The following PACRG variants were observed in gnomAD, a reference collection of about 807,000 sequenced individuals.
The protein encoded by PACRG is parkin coregulated, also known as parkin coregulated gene protein.
A neutral mutation model predicts 29.7 loss-of-function variants in PACRG; 29 were observed. That is an observed-to-expected ratio of 0.98 (90% confidence interval 0.73 to 1.33). The LOEUF is 1.33. Ranked by LOEUF, PACRG falls within the 40% of genes most tolerant of loss-of-function variation. The probability of loss-of-function intolerance (pLI) is 0.00; values close to 1 mark genes in which losing one functional copy is unlikely to be tolerated. For synonymous variants in PACRG, 116 were observed against 118.7 expected (o/e 0.98, Z 0.15); for missense variants, 279 against 316.2 (o/e 0.88, Z 0.89).
chr6:163,235,179 A>G (rs1489781994), intron 4 of PACRG, among the ~76,000 whole-genome samples: 1 of 152,286 alleles, frequency 6.6e-6, no homozygotes, highest in African/African-American at 2.4e-5. Context: ...AGTTGTGGGC[A>G]TGACTCGAGC....
intron 4 of PACRG, among the ~76,000 whole-genome samples, chr6:163,298,103 G>A (rs1784850502): frequency 6.6e-6 from 1 of 152,168 alleles, no homozygotes; most frequent in Non-Finnish European, 1.5e-5. Flanking sequence ...GTGAATGCTG[G>A]AGTGGCTTGT....
At chr6:162,737,746 G>A (rs763574046) in intron 1 of PACRG, among the ~76,000 whole-genome samples, 2 of 151,906 alleles carry the variant, frequency 1.3e-5, no homozygotes, top group South Asian at 2.1e-4. Context: ...ATGTAAAGTC[G>A]AACATCATTT....
intron 3 of PACRG, among the ~76,000 whole-genome samples, chr6:163,070,253 G>A (rs1193076875): frequency 6.6e-6 from 1 of 151,972 alleles, no homozygotes; most frequent in African/African-American, 2.4e-5. Context: ...TAAGTACACA[G>A]AAAAATAGAA....
chr6:163,211,100 C>G (rs1452964873), intron 4 of PACRG, among the ~76,000 whole-genome samples: 3 of 151,996 alleles, frequency 2.0e-5, no homozygotes, highest in Non-Finnish European at 4.4e-5. Flanking sequence ...CTCCCACCAC[C>G]TTTTTTTTAA....
chr6:162,837,279 C>T (rs1057226485), intron 2 of PACRG, among the ~76,000 whole-genome samples: 7 of 152,034 alleles, frequency 4.6e-5, no homozygotes, highest in East Asian at 1.9e-4. Context: ...TAAAGAACAC[C>T]GAGTATATAT....
chr6:162,920,304 CA>C (rs1266871475), intron 2 of PACRG, among the ~76,000 whole-genome samples: 3 of 152,044 alleles, frequency 2.0e-5, no homozygotes, highest in Admixed American at 6.6e-5. Context: ...TTTTGTCTGA[CA>C]AAAGAAACAA....
intron 2 of PACRG, among the ~76,000 whole-genome samples, chr6:162,866,500 T>C (rs1792307717): frequency 2.0e-5 from 3 of 152,216 alleles, no homozygotes; most frequent in Admixed American, 2.0e-4. Context: ...CTATGAGCCA[T>C]AGAGCTCGCT....
chr6:162,778,362 C>T (rs542535577), intron 1 of PACRG, among the ~76,000 whole-genome samples: 21 of 152,148 alleles, frequency 1.4e-4, no homozygotes, highest in South Asian at 1.2e-3. Flanking sequence ...GTGCTATAAG[C>T]GTAAGAGGTA....
At chr6:162,903,166 G>A (rs915808335) in intron 2 of PACRG, among the ~76,000 whole-genome samples, 9 of 152,128 alleles carry the variant, frequency 5.9e-5, no homozygotes, top group Admixed American at 4.6e-4. Context: ...ACTACAGTTT[G>A]TTGTCAGGTT....
chr6:162,773,243 C>G (rs1783360794), intron 1 of PACRG, among the ~76,000 whole-genome samples: 1 of 150,848 alleles, frequency 6.6e-6, no homozygotes, highest in African/African-American at 2.4e-5. Context: ...GAATTTCTAT[C>G]TTATTTGTGT....
chr6:163,016,741 A>T (rs927319098), intron 2 of PACRG, among the ~76,000 whole-genome samples: 3 of 152,114 alleles, frequency 2.0e-5, no homozygotes, highest in Non-Finnish European at 2.9e-5. Flanking sequence ...AGCTTTTGTC[A>T]TTGAACTCTA....
In PACRG at chr6:163,159,572, T is replaced by C. The variant is rs193250402; in HGVS notation, c.613+70164T>C. On this transcript the variant is annotated intron_variant, in intron 4 of 4. Transcript: ENST00000366888. Reference sequence around the variant, plus strand: ...CTGTACTCACTAATTTTTTTCTACCTTCCTCAGCCACTGTATTCAGTATTT... The same window carrying C: ...CTGTACTCACTAATTTTTTTCTACCCTCCTCAGCCACTGTATTCAGTATTT... Among the ~76,000 whole-genome samples the C allele has an allele frequency of 2.6e-5, 4 of 152,210 alleles. No individual in the cohort carries two copies. In the East Asian group the frequency reaches 7.7e-4, roughly 29 times the overall value.
intron 4 of PACRG, among the ~76,000 whole-genome samples, chr6:163,227,175 T>C (rs1781839724): frequency 6.6e-6 from 1 of 152,160 alleles, no homozygotes; most frequent in Non-Finnish European, 1.5e-5. Context: ...ACAGGAAGCA[T>C]TGTGCTGCCA....
At chr6:162,842,016 G>C (rs1378554377) in intron 2 of PACRG, among the ~76,000 whole-genome samples, 1 of 149,848 alleles carries the variant, frequency 6.7e-6, no homozygotes, top group Non-Finnish European at 1.5e-5. Context: ...TTACTTCCAA[G>C]TATGTGGTCA....
intron 4 of PACRG, among the ~76,000 whole-genome samples, chr6:163,295,768 C>T (rs1478635495): frequency 5.3e-5 from 8 of 152,190 alleles, no homozygotes; most frequent in African/African-American, 1.9e-4. Flanking sequence ...CCTTCACAGC[C>T]ACACGCTAAC....
chr6:163,253,329 G>T (rs1163687842), intron 4 of PACRG, among the ~76,000 whole-genome samples: 2 of 146,290 alleles, frequency 1.4e-5, no homozygotes, highest in Non-Finnish European at 3.0e-5. Flanking sequence ...AAGAAAGAAA[G>T]AAATCAGAAA....
chr6:163,133,678 C>T (rs1279142972), intron 4 of PACRG, among the ~76,000 whole-genome samples: 2 of 152,072 alleles, frequency 1.3e-5, no homozygotes, highest in African/African-American at 2.4e-5. Flanking sequence ...CTGTCGAGCC[C>T]GGTGCAAAAT....
At chr6:163,027,355 A>G (rs1214381676) in intron 2 of PACRG, among the ~76,000 whole-genome samples, 2 of 152,158 alleles carry the variant, frequency 1.3e-5, no homozygotes, top group African/African-American at 4.8e-5. Context: ...CGTTCATTAC[A>G]CTGAAAATTA....
intron 2 of PACRG, among the ~76,000 whole-genome samples, chr6:162,876,452 C>G (rs913311884): frequency 6.6e-6 from 1 of 152,214 alleles, no homozygotes; most frequent in Non-Finnish European, 1.5e-5. Flanking sequence ...TTGCATTTCT[C>G]TAATTACCAG....
Sources: allele counts gnomAD v4.1 joint callset (sites outside exome capture counted in the v4.1 genomes callset), GRCh38; gene constraint gnomAD v4.1.1; transcripts MANE v1.5; gene names NCBI Gene and HGNC (gene_info 2026-07-23, HGNC 2026-07-21).